CSMD1: variants seen among roughly 807,000 people sequenced by gnomAD.
CSMD1 encodes the protein CUB and Sushi multiple domains 1, also known as CUB and sushi domain-containing protein 1.
A neutral mutation model predicts 417.5 loss-of-function variants in CSMD1; 213 were observed. The ratio of observed to expected loss-of-function variants is 0.51; its 90% CI spans 0.46 to 0.57. CSMD1 has a LOEUF of 0.57. Among genes scored for constraint, CSMD1 ranks in the 20% least tolerant of loss-of-function variants. The pLI is 0.00. For synonymous variants in CSMD1, 2,862 were observed against 1,736.8 expected (o/e 1.65, Z -16.11); for missense variants, 6,923 against 4,529.7 (o/e 1.53, Z -15.17).
intron 1 of CSMD1, among the ~76,000 whole-genome samples, chr8:4,749,957 C>G (rs1307979789): frequency 6.6e-6 from 1 of 151,850 alleles, no homozygotes; most frequent in Non-Finnish European, 1.5e-5. Flanking sequence ...TTCATGGTTC[C>G]CTCAAGTGCC....
intron 3 of CSMD1, among the ~76,000 whole-genome samples, chr8:4,297,233 A>G (rs936875825): frequency 4.6e-5 from 7 of 152,192 alleles, no homozygotes. Flanking sequence ...CCAAACATTT[A>G]GAAATAATTA....
chr8:4,299,446 C>T (rs564478838), intron 3 of CSMD1, among the ~76,000 whole-genome samples: 1 of 152,154 alleles, frequency 6.6e-6, no homozygotes, highest in Non-Finnish European at 1.5e-5. Flanking sequence ...TTCAAAAAGC[C>T]ACTAGTAATT....
chr8:4,687,358 A>G (rs575076266), intron 1 of CSMD1, among the ~76,000 whole-genome samples: 1 of 152,330 alleles, frequency 6.6e-6, no homozygotes, highest in East Asian at 1.9e-4. Flanking sequence ...GGACTAAAGT[A>G]CATTAAGTAA....
At chr8:4,969,929 G>A (rs556950937) in intron 1 of CSMD1, among the ~76,000 whole-genome samples, 1 of 152,144 alleles carries the variant, frequency 6.6e-6, no homozygotes, top group African/African-American at 2.4e-5. Flanking sequence ...GTATACTACG[G>A]TTAAAACTGG....
At chr8:3,773,642 T>G (rs534990126) in intron 5 of CSMD1, among the ~76,000 whole-genome samples, 1 of 152,150 alleles carries the variant, frequency 6.6e-6, no homozygotes, top group African/African-American at 2.4e-5. Flanking sequence ...TTTGGCAGTT[T>G]TATTCAATTT....
chr8:3,296,025 A>T (rs1334034802), intron 25 of CSMD1, among the ~76,000 whole-genome samples: 3 of 152,040 alleles, frequency 2.0e-5, no homozygotes, highest in African/African-American at 4.8e-5. Context: ...TAATACAGGG[A>T]AGAGACAGGC....
At position 3,998,125 on chromosome 8, in the gene CSMD1, G is replaced by C; in HGVS notation, c.611-15C>G. 3.2e-6 allele frequency: 5 copies of C among 1,548,246 alleles called. 1 individual carries two copies. The highest frequency in any genetic ancestry group is 4.4e-6 in the Non-Finnish European group (5 of 1,143,432). ...GGCTCCCTCAGCTGCAGGGGCAAAA[G>C]CAGAAAGAAAGCATCACATTTCAGG... is the stretch of plus-strand genomic sequence containing the variant. On this transcript the variant is annotated splice_polypyrimidine_tract_variant and intron_variant, in intron 4 of 69. Coordinates refer to ENST00000635120, the MANE Select transcript of CSMD1 (RefSeq NM_033225.6).
At chr8:3,447,623 C>A (rs1815383589) in intron 12 of CSMD1, among the ~76,000 whole-genome samples, 1 of 152,182 alleles carries the variant, frequency 6.6e-6, no homozygotes, top group South Asian at 2.1e-4. Flanking sequence ...GATCATTTGG[C>A]TTCTTTTAAA....
chr8:4,457,215 G>T (rs138586179), intron 2 of CSMD1, among the ~76,000 whole-genome samples: 1 of 152,052 alleles, frequency 6.6e-6, no homozygotes, highest in Non-Finnish European at 1.5e-5. Context: ...GGAGGGAAGG[G>T]GGGAACTCAT....
At chr8:4,495,848 A>C (rs542202459) in intron 2 of CSMD1, among the ~76,000 whole-genome samples, 23 of 152,244 alleles carry the variant, frequency 1.5e-4, no homozygotes, top group African/African-American at 5.5e-4. Context: ...TAGAATTATT[A>C]ATGTAAGTGG....
chr8:3,338,440 G>T (rs1005267956), intron 23 of CSMD1, among the ~76,000 whole-genome samples: 2 of 152,220 alleles, frequency 1.3e-5, no homozygotes, highest in African/African-American at 2.4e-5. Context: ...GATAGACAGA[G>T]AATTCAGGAT....
intron 12 of CSMD1, among the ~76,000 whole-genome samples, chr8:3,463,223 C>A (rs150286603): frequency 6.6e-6 from 1 of 152,330 alleles, no homozygotes; most frequent in Non-Finnish European, 1.5e-5. Context: ...AACTCCACTT[C>A]CTTCTCTGCC....
rs79900072 is a variant in CSMD1 at position 4,801,498 on chromosome 8, T to C, written c.86-163940A>G. 1.2e-3 allele frequency among the ~76,000 whole-genome samples: 190 copies of C among 152,180 alleles called. 5 individuals are homozygous for C. The East Asian group carries it at 0.032, about 25-fold the overall frequency. On this transcript the variant is annotated intron_variant, in intron 1 of 69. Transcript: ENST00000635120. The stretch of plus-strand genomic sequence containing the variant: ...TTTTCTTCAAATTGAGGGGCGCAAG[T>C]ACTTAATGTCATTTTGAAGGGCAGC...
intron 3 of CSMD1, among the ~76,000 whole-genome samples, chr8:4,103,006 C>G (rs949034790): frequency 6.6e-6 from 1 of 152,082 alleles, no homozygotes; most frequent in African/African-American, 2.4e-5. Context: ...GTATTCTAAA[C>G]TTTTTACTCT....
chr8:3,849,043 G>C (rs1803700801), intron 5 of CSMD1, among the ~76,000 whole-genome samples: 2 of 151,912 alleles, frequency 1.3e-5, no homozygotes, highest in Admixed American at 6.6e-5. Context: ...AAACTTAGTG[G>C]CATGCAGTTT....
intron 5 of CSMD1, among the ~76,000 whole-genome samples, chr8:3,772,476 TATACATATATAC>T (rs1563064475): frequency 8.7e-5 from 3 of 34,406 alleles, no homozygotes; most frequent in Non-Finnish European, 1.2e-4. Context: ...TACACATATA[TATACATATATAC>T]ACATATATAC....
intron 37 of CSMD1, among the ~76,000 whole-genome samples, chr8:3,176,610 A>T (rs1248801516): frequency 6.6e-6 from 1 of 152,148 alleles, no homozygotes; most frequent in Non-Finnish European, 1.5e-5. Context: ...CAATGCAAAA[A>T]TCCCATCCAC....
intron 12 of CSMD1, among the ~76,000 whole-genome samples, chr8:3,443,651 T>C (rs1815130375): frequency 1.3e-5 from 2 of 152,182 alleles, no homozygotes; most frequent in Admixed American, 6.5e-5. Context: ...TATCAAAGTA[T>C]GCAAATCTTT....
chr8:4,566,652 C>CAAAA (rs35448667), intron 2 of CSMD1, among the ~76,000 whole-genome samples: 8 of 62,842 alleles, frequency 1.3e-4, no homozygotes, highest in Admixed American at 2.8e-4. Context: ...GACTCTGACT[C>CAAAA]AAAAAAAAAA....
Sources: gnomAD v4.1 joint callset for allele counts (sites outside exome capture counted in the v4.1 genomes callset) on GRCh38, gnomAD v4.1.1 for gene constraint, MANE v1.5 for transcripts, NCBI Gene and HGNC (gene_info 2026-07-23, HGNC 2026-07-21) for gene names.